Variants in SETX observed in about 807,000 individuals in gnomAD.
SETX encodes senataxin.
SETX carries 90 observed loss-of-function variants against 227.2 expected under a neutral mutation model. The ratio of observed to expected loss-of-function variants is 0.40; its 90% confidence interval spans 0.33 to 0.47. The LOEUF (loss-of-function observed/expected upper bound fraction) is 0.47, where lower values mean the gene tolerates loss of function less well. Ranked by LOEUF, SETX falls within the 20% of genes least tolerant of loss-of-function variation. The probability of loss-of-function intolerance (pLI) is 0.91; values close to 1 mark genes in which losing one functional copy is unlikely to be tolerated. For synonymous variants in SETX, 1,210 were observed against 1,113.2 expected, an observed-to-expected ratio of 1.09 and a Z score of -1.73; for missense variants, 3,052 against 3,181.5, an observed-to-expected ratio of 0.96 and a Z score of 0.98.
Position 132,283,401 on chromosome 9 carries a change from G to A in SETX, c.6409C>T (p.Pro2137Ser). ...ATGATGATACTCTGTGTTTTCTGTG[G>A]GCGTCCTTGAACCTAAGAGAACAAA... is the stretch of plus-strand genomic sequence containing the variant. ...ASKIKEVQGR[P>S]QKTQSIIILE... The change falls in exon 19 of 26, where the codon CCA (proline) becomes TCA (serine). Residue 2137 changes from proline to serine, a missense_variant. Coordinates refer to ENST00000224140, the MANE Select transcript of SETX (RefSeq NM_015046.7). The A allele has an allele frequency of 6.2e-7, 1 of 1,614,108 alleles. No individual in the cohort carries two copies. Among genetic ancestry groups the A allele is most frequent in the Admixed American group, 1.7e-5 (1 of 60,024 alleles).
intron 1 of SETX, 101 bp from the exon 2 acceptor site, chr9:132,353,856 TG>T (rs1164920217): frequency 6.6e-6 from 1 of 152,236 alleles, no homozygotes; most frequent in African/African-American, 2.4e-5. Context: ...TACTGCTGGC[TG>T]ATGAGGAAGC....
intron 24 of SETX, 85 bp downstream of exon 24, chr9:132,271,625 T>C (rs1019207619): frequency 3.7e-5 from 41 of 1,096,154 alleles, no homozygotes; most frequent in Non-Finnish European, 5.1e-5. Context: ...TGGTGTTCTC[T>C]AACAGTGATA....
intron 11 of SETX, among the ~76,000 whole-genome samples, chr9:132,306,416 T>C (rs1845337867): frequency 1.3e-5 from 2 of 152,220 alleles, no homozygotes; most frequent in South Asian, 4.1e-4. Context: ...TTCACCATGC[T>C]GGCCAGGATG....
At chr9:132,345,572 C>T (rs1282808959) in intron 4 of SETX, among the ~76,000 whole-genome samples, 2 of 151,826 alleles carry the variant, frequency 1.3e-5, no homozygotes, top group African/African-American at 2.4e-5. Flanking sequence ...CCATGCCCGG[C>T]GAGAATGAAA....
chr9:132,349,368 A>G lies in SETX; in HGVS notation c.61T>C (p.Tyr21His), dbSNP rs1848482853. The change falls in exon 3 of 26, where the codon TAT (tyrosine) becomes CAT (histidine). Residue 21 changes from tyrosine (Y) to histidine (H), a missense_variant. Tyr to His is a moderately conservative substitution (Grantham distance 83). Transcript: ENST00000224140. ...GASTIDFLKR[Y>H]ASNTPSGEFQ... ...TCACCGGACGGAGTGTTGGAAGCAT[A>G]GCGCTTTAGGAAGTCAATGGTGGAA... 6.2e-7 allele frequency: 1 copy of G among 1,614,052 alleles called. No individual in the cohort carries two copies. The highest frequency in any genetic ancestry group is 8.5e-7 in the Non-Finnish European group (1 of 1,180,042).
chr9:132,304,611 C>T (rs1254613590), intron 11 of SETX, among the ~76,000 whole-genome samples: 4 of 139,898 alleles, frequency 2.9e-5, no homozygotes, highest in Non-Finnish European at 6.1e-5. Flanking sequence ...TCAGCCTGGG[C>T]GACAGAACAA....
chr9:132,345,493 T>TAG (rs1848233266), intron 4 of SETX, among the ~76,000 whole-genome samples: 1 of 152,172 alleles, frequency 6.6e-6, no homozygotes, highest in Admixed American at 6.5e-5. Flanking sequence ...AGGCTGGTCT[T>TAG]GAACTCCTGA....
chr9:132,293,855 T>C (rs1339400841), intron 15 of SETX, among the ~76,000 whole-genome samples: 1 of 152,072 alleles, frequency 6.6e-6, no homozygotes, highest in Non-Finnish European at 1.5e-5. Flanking sequence ...ACCCCGTCTC[T>C]ACTAAAAAAA....
chr9:132,298,686 A>C (rs1010058490), intron 12 of SETX, among the ~76,000 whole-genome samples: 1 of 152,240 alleles, frequency 6.6e-6, no homozygotes, highest in African/African-American at 2.4e-5. Flanking sequence ...GGTAAATAGT[A>C]CTACATGCAG....
At chr9:132,349,642 T>C (rs766291558) in intron 2 of SETX, among the ~76,000 whole-genome samples, 1 of 151,880 alleles carries the variant, frequency 6.6e-6, no homozygotes, top group Non-Finnish European at 1.5e-5. Context: ...TACAGAAAAA[T>C]AAAAGCATTG....
chr9:132,318,609 C>G (rs10793921), intron 10 of SETX, among the ~76,000 whole-genome samples: 38,092 of 152,060 alleles, frequency 0.25, 6,076 homozygotes, highest in East Asian at 0.67. Flanking sequence ...TCTGAATTCT[C>G]ACTTCCTTGG....
At chr9:132,348,373 C>CCAA (rs1554825830) in intron 3 of SETX, among the ~76,000 whole-genome samples, 1 of 122,442 alleles carries the variant, frequency 8.2e-6, no homozygotes, top group Non-Finnish European at 1.6e-5. Context: ...AAAAAAAAAA[C>CCAA]AAAACAAAAA....
chr9:132,290,588 A>AT (rs1465931767), intron 15 of SETX, among the ~76,000 whole-genome samples: 17 of 151,096 alleles, frequency 1.1e-4, no homozygotes, highest in African/African-American at 3.9e-4. Context: ...AAAAAAAAAA[A>AT]AAAAAAAAAA....
chr9:132,312,950 C>G (rs776932153), intron 10 of SETX, among the ~76,000 whole-genome samples: 3 of 152,104 alleles, frequency 2.0e-5, no homozygotes, highest in African/African-American at 7.2e-5. Context: ...GGATAGGCCT[C>G]AAAAAGATTA....
intron 19 of SETX, among the ~76,000 whole-genome samples, chr9:132,282,187 G>C (rs1843568904): frequency 6.6e-6 from 1 of 151,724 alleles, no homozygotes; most frequent in African/African-American, 2.4e-5. Flanking sequence ...AGAAGGCCAT[G>C]CACATCCTAG....
At chr9:132,312,151 G>A (rs1259879294) in intron 10 of SETX, among the ~76,000 whole-genome samples, 3 of 152,214 alleles carry the variant, frequency 2.0e-5, no homozygotes, top group African/African-American at 4.8e-5. Flanking sequence ...CTGCTCCGCT[G>A]TGGGCAGATG....
intron 4 of SETX, among the ~76,000 whole-genome samples, chr9:132,344,084 C>T (rs1392631230): frequency 2.0e-5 from 3 of 152,130 alleles, no homozygotes; most frequent in Non-Finnish European, 2.9e-5. Flanking sequence ...GAGAAATCAG[C>T]GTATACCTAA....
Position 132,329,159 on chromosome 9 carries a change from T to G in SETX, c.2439A>C (p.Glu813Asp), listed in dbSNP as rs190841601. The G allele has an allele frequency of 5.0e-5, 81 of 1,611,950 alleles. 1 individual carries two copies. The East Asian group carries it at 8.7e-4, about 17-fold the overall frequency. The part of the protein sequence containing the change: ...TLVDNTINLD[E>D]NLTVSNIESF... ...TCTCAATGTTAGATACAGTCAAATTTTCATCTAAATTGATAGTATTATCGA... is the reference window on the plus strand; with the variant it reads ...TCTCAATGTTAGATACAGTCAAATTGTCATCTAAATTGATAGTATTATCGA... The change falls in exon 10 of 26, where the codon GAA (glutamate) becomes GAC (aspartate). Residue 813 changes from glutamate (E) to aspartate (D), a missense_variant. This residue lies in a region of SETX where 1,483 missense variants were observed against 1,312.0 expected (regional missense o/e 1.13). Transcript: ENST00000224140.
At chr9:132,288,188 T>C in intron 17 of SETX, 48 bp downstream of exon 17, 1 of 1,484,616 alleles carries the variant, frequency 6.7e-7, no homozygotes, top group Non-Finnish European at 9.4e-7. Flanking sequence ...AAAAAACTTG[T>C]TAACTAGTTC....
Sources: gnomAD v4.1 joint callset for allele counts (sites outside exome capture counted in the v4.1 genomes callset) on GRCh38, gnomAD v4.1.1 for gene constraint, gnomAD v4.1.1 regional missense constraint, MANE v1.5 for transcripts, NCBI Gene and HGNC (gene_info 2026-07-23, HGNC 2026-07-21) for gene names.